ANK3: variants seen among roughly 807,000 people sequenced by gnomAD.
The protein encoded by ANK3 is ankyrin 3.
In ANK3, 57 loss-of-function variants were observed where a neutral mutation model predicts 370.9. The observed-to-expected ratio is 0.15, with a 90% CI of 0.12 to 0.19. The LOEUF is 0.19. ANK3 is among the 10% of genes least tolerant of loss of function. The pLI is 1.00. For missense variants in ANK3, 4,439 were observed against 5,302.1 expected (o/e 0.84, Z 5.06); for synonymous variants, 1,929 against 1,946.3 (o/e 0.99, Z 0.23).
intron 2 of ANK3, among the ~76,000 whole-genome samples, chr10:60,416,349 C>A (rs1456103789): frequency 2.0e-5 from 3 of 152,076 alleles, no homozygotes; most frequent in African/African-American, 7.2e-5. Context: ...ACATGTTAAC[C>A]AAAATAAGCC....
chr10:60,240,281 C>CAT lies in ANK3; in HGVS notation c.799-5497_799-5496dup, dbSNP rs35855721. 3.7e-3 allele frequency among the ~76,000 whole-genome samples: 327 copies of CAT among 88,310 alleles called. 4 individuals carry two copies. The highest frequency in any genetic ancestry group is 0.013 in the African/African-American group (237 of 18,606). The allele number at this position is 88,310 out of a possible 152,430, so 57.9% of individuals were successfully genotyped here. ...ATATACACATATATATACACACACA[C>CAT]ATATATATATATATATATATATATA... On this transcript the variant is annotated intron_variant, in intron 7 of 43. Coordinates refer to ENST00000280772, the MANE Select transcript of ANK3 (RefSeq NM_020987.5).
intron 1 of ANK3, among the ~76,000 whole-genome samples, chr10:60,691,056 T>C (rs2079345166): frequency 6.6e-6 from 1 of 152,196 alleles, no homozygotes; most frequent in East Asian, 1.9e-4. Flanking sequence ...CAATTGTGTA[T>C]GTGTGTTTAA....
chr10:60,395,436 T>C (rs2063197564), intron 2 of ANK3, among the ~76,000 whole-genome samples: 1 of 152,182 alleles, frequency 6.6e-6, no homozygotes, highest in Non-Finnish European at 1.5e-5. Flanking sequence ...CTCGTCTACA[T>C]AAAGAACTTA....
chr10:60,600,589 A>G (rs1382631232), intron 2 of ANK3, among the ~76,000 whole-genome samples: 2 of 152,194 alleles, frequency 1.3e-5, no homozygotes, highest in Non-Finnish European at 2.9e-5. Flanking sequence ...CACTAGAAAT[A>G]TGAACCTTCT....
chr10:60,672,860 T>C (rs1479503718), intron 1 of ANK3, among the ~76,000 whole-genome samples: 2 of 152,176 alleles, frequency 1.3e-5, no homozygotes, highest in Admixed American at 6.5e-5. Flanking sequence ...GCAAGCAGTG[T>C]CAGAATTTAA....
chr10:60,427,818 G>A (rs2063923482), intron 2 of ANK3, among the ~76,000 whole-genome samples: 2 of 152,136 alleles, frequency 1.3e-5, no homozygotes, highest in African/African-American at 4.8e-5. Flanking sequence ...AGGTTAGTTG[G>A]TGGCTTTGAT....
At chr10:60,608,508 A>T (rs915660778) in intron 2 of ANK3, among the ~76,000 whole-genome samples, 5 of 152,186 alleles carry the variant, frequency 3.3e-5, no homozygotes, top group African/African-American at 4.8e-5. Flanking sequence ...CTTAGAGAAT[A>T]CAGTATTTAT....
At chr10:60,693,639 G>A (rs548681506) in intron 1 of ANK3, among the ~76,000 whole-genome samples, 31 of 152,330 alleles carry the variant, frequency 2.0e-4, no homozygotes, top group African/African-American at 7.2e-4. Context: ...AGCAGGGGCA[G>A]ATTGACCCCT....
intron 1 of ANK3, among the ~76,000 whole-genome samples, chr10:60,297,724 A>C (rs893694906): frequency 6.6e-6 from 1 of 152,142 alleles, no homozygotes; most frequent in African/African-American, 2.4e-5. Context: ...TATCATCCAA[A>C]TTTATAACCG....
chr10:60,538,057 G>A (rs1280599774), intron 2 of ANK3, among the ~76,000 whole-genome samples: 1 of 151,816 alleles, frequency 6.6e-6, no homozygotes, highest in Admixed American at 6.6e-5. Flanking sequence ...TTCCCTCTAA[G>A]CAAGGCAACT....
At chr10:60,469,911 C>A (rs868331226) in intron 2 of ANK3, among the ~76,000 whole-genome samples, 4 of 151,622 alleles carry the variant, frequency 2.6e-5, no homozygotes, top group Admixed American at 6.6e-5. Context: ...GAACTGTGGT[C>A]TCATGGACAT....
intron 2 of ANK3, among the ~76,000 whole-genome samples, chr10:60,484,981 C>G (rs754663906): frequency 6.6e-6 from 1 of 151,756 alleles, no homozygotes; most frequent in African/African-American, 2.4e-5. Flanking sequence ...TAATTAAATC[C>G]GATATTTCCT....
intron 2 of ANK3, among the ~76,000 whole-genome samples, chr10:60,516,279 C>G (rs1206687809): frequency 6.6e-6 from 1 of 151,992 alleles, no homozygotes; most frequent in Non-Finnish European, 1.5e-5. Context: ...TATCAAGAAC[C>G]TTGGCTGAAA....
At chr10:60,373,441 T>C (rs925948500) in intron 1 of ANK3, among the ~76,000 whole-genome samples, 1 of 152,158 alleles carries the variant, frequency 6.6e-6, no homozygotes, top group Non-Finnish European at 1.5e-5. Flanking sequence ...CCCTAAATAA[T>C]GAAAGCAGGA....
intron 18 of ANK3, among the ~76,000 whole-genome samples, chr10:60,174,206 G>T (rs764841160): frequency 1.3e-5 from 2 of 152,146 alleles, no homozygotes; most frequent in Non-Finnish European, 2.9e-5. Flanking sequence ...ACTGCAGAAG[G>T]TGAAGATACC....
intron 28 of ANK3, among the ~76,000 whole-genome samples, chr10:60,095,139 G>A (rs998974600): frequency 2.0e-5 from 3 of 152,170 alleles, no homozygotes; most frequent in Non-Finnish European, 2.9e-5. Context: ...ATTATTAGTT[G>A]TTTTAAAAAT....
chr10:60,248,656 C>G (rs553806122), intron 7 of ANK3, among the ~76,000 whole-genome samples: 1 of 152,152 alleles, frequency 6.6e-6, no homozygotes, highest in African/African-American at 2.4e-5. Context: ...TGAAACATGC[C>G]TCATCTCATT....
chr10:60,063,252 C>T lies in ANK3; in HGVS notation c.12454G>A (p.Asp4152Asn). The change falls in exon 40 of 44, where the codon GAT (aspartate) becomes AAT (asparagine). Residue 4152 changes from aspartate (D) to asparagine (N), a missense_variant and splice_region_variant. Coordinates refer to ENST00000280772, the MANE Select transcript of ANK3 (RefSeq NM_020987.5). ...TTTGTCAAGACCGAAGTTAAGGCAT[C>T]AGCTGAAAAGGAGAAAAAAAGGTTG... ...VTRDGKNATT[D>N]ALTSVLTKIN... 6.2e-7 allele frequency: 1 copy of T among 1,606,302 alleles called. No homozygotes were observed. The highest frequency in any genetic ancestry group is 8.5e-7 in the Non-Finnish European group (1 of 1,177,288).
At chr10:60,051,852 G>A (rs2078106893) in intron 42 of ANK3, among the ~76,000 whole-genome samples, 1 of 151,480 alleles carries the variant, frequency 6.6e-6, no homozygotes, top group Non-Finnish European at 1.5e-5. Flanking sequence ...AAATAATTAT[G>A]GAGACTTTTT....
Sources: allele counts gnomAD v4.1 joint callset (sites outside exome capture counted in the v4.1 genomes callset), GRCh38; gene constraint gnomAD v4.1.1; transcripts MANE v1.5; gene names NCBI Gene and HGNC (gene_info 2026-07-23, HGNC 2026-07-21).